Variants in SYT10 observed in about 807,000 individuals in gnomAD.
SYT10 encodes synaptotagmin-10.
Under a neutral mutation model 51.1 loss-of-function variants are expected in SYT10, and 31 were observed. The ratio of observed to expected loss-of-function variants is 0.61; its 90% CI spans 0.46 to 0.82. The LOEUF (loss-of-function observed/expected upper bound fraction) is 0.82. Ranked by LOEUF, SYT10 falls within the 40% of genes least tolerant of loss-of-function variation. SYT10 has a pLI of 0.00. For missense variants in SYT10, 603 were observed against 634.0 expected (o/e 0.95, Z 0.53); for synonymous variants, 233 against 225.9 (o/e 1.03, Z -0.28).
intron 2 of SYT10, among the ~76,000 whole-genome samples, chr12:33,410,465 G>A (rs746531901): frequency 3.3e-5 from 5 of 152,178 alleles, no homozygotes; most frequent in Admixed American, 3.3e-4. Context: ...AGCTGTGAGA[G>A]TATCAGTAGC....
chr12:33,426,084 ACACAC>A, intron 2 of SYT10, 49 bp downstream of exon 2: 2 of 1,492,758 alleles, frequency 1.3e-6, no homozygotes, highest in Non-Finnish European at 1.8e-6. Context: ...ACACACACAC[ACACAC>A]ACACACACAC....
chr12:33,392,456 C>T (rs147924351), intron 3 of SYT10, among the ~76,000 whole-genome samples: 36 of 152,266 alleles, frequency 2.4e-4, no homozygotes, highest in African/African-American at 8.4e-4. Flanking sequence ...CCTGCCTTTC[C>T]TCTTCCTCCC....
intron 4 of SYT10, 60 bp downstream of exon 4, chr12:33,385,111 G>A (rs1392949212): frequency 2.9e-5 from 46 of 1,581,486 alleles, no homozygotes; most frequent in Non-Finnish European, 3.4e-5. Context: ...ATCATTTTTA[G>A]ATACATGAAA....
chr12:33,412,146 A>G (rs898913003), intron 2 of SYT10, among the ~76,000 whole-genome samples: 2 of 152,102 alleles, frequency 1.3e-5, no homozygotes, highest in African/African-American at 4.8e-5. Context: ...GCTTTTCAAT[A>G]TTATAAAACT....
At chr12:33,393,014 A>AAAAT (rs1866223413) in intron 3 of SYT10, among the ~76,000 whole-genome samples, 3 of 142,712 alleles carry the variant, frequency 2.1e-5, no homozygotes, top group Non-Finnish European at 3.1e-5. Flanking sequence ...AAAAAAAAAA[A>AAAAT]TTGCAAAAAC....
At chr12:33,417,492 A>G (rs2138424999) in intron 2 of SYT10, among the ~76,000 whole-genome samples, 1 of 152,338 alleles carries the variant, frequency 6.6e-6, no homozygotes, top group African/African-American at 2.4e-5. Flanking sequence ...AACTGTAAGA[A>G]ATAAATTCAT....
At position 33,385,237 on chromosome 12, in the gene SYT10, C is replaced by G; in HGVS notation, c.1132G>C (p.Gly378Arg). Reference sequence around the variant, plus strand: ...TTAATGACTGTCAATGTCATACGCCCAGCCGTCGGTAGGTAACAAAGGGAA... The same window carrying G: ...TTAATGACTGTCAATGTCATACGCCGAGCCGTCGGTAGGTAACAAAGGGAA... ...MFSLCYLPTA[G>R]RMTLTVIKCR... The change falls in exon 4 of 7, where the codon GGG (glycine) becomes CGG (arginine). Residue 378 changes from glycine to arginine, a missense_variant. Coordinates refer to ENST00000228567, the MANE Select transcript of SYT10 (RefSeq NM_198992.4). 6.2e-7 allele frequency: 1 copy of G among 1,613,784 alleles called. No homozygotes were observed. The highest frequency in any genetic ancestry group is 1.1e-5 in the South Asian group (1 of 91,078).
At chr12:33,390,152 C>A (rs554928405) in intron 3 of SYT10, among the ~76,000 whole-genome samples, 2 of 152,282 alleles carry the variant, frequency 1.3e-5, no homozygotes, top group African/African-American at 4.8e-5. Flanking sequence ...TTGCTATAGT[C>A]CTGGCGGAGC....
intron 5 of SYT10, among the ~76,000 whole-genome samples, chr12:33,381,583 G>C (rs1392119631): frequency 2.0e-5 from 3 of 152,080 alleles, no homozygotes; most frequent in African/African-American, 7.2e-5. Flanking sequence ...GAAGAGGATT[G>C]GTCAGCAAAG....
In SYT10 at chr12:33,375,825, C is replaced by T. The variant is rs1866057432; in HGVS notation, c.*1005G>A. On this transcript the variant is annotated 3_prime_UTR_variant, in exon 7 of 7. Coordinates refer to ENST00000228567, the MANE Select transcript of SYT10 (RefSeq NM_198992.4). ...AGCTTCTGACTGGGTTTAAGAGTCACCATTACTGTGTACAATCTAAACGGT... is the reference window on the plus strand; with the variant it reads ...AGCTTCTGACTGGGTTTAAGAGTCATCATTACTGTGTACAATCTAAACGGT... The T allele has an allele frequency of 6.6e-6, 1 of 152,508 alleles. No homozygotes were observed. The highest frequency in any genetic ancestry group is 1.5e-5 in the Non-Finnish European group (1 of 67,998). The allele number at this position is 152,508 out of a possible 1,614,324, so 9.4% of individuals were successfully genotyped here.
chr12:33,390,938 G>C (rs1238970379), intron 3 of SYT10, among the ~76,000 whole-genome samples: 1 of 151,622 alleles, frequency 6.6e-6, no homozygotes, highest in Non-Finnish European at 1.5e-5. Context: ...TTTTGTTGTT[G>C]TTGTTGTTTT....
intron 4 of SYT10, among the ~76,000 whole-genome samples, chr12:33,382,858 C>A (rs1591980962): frequency 6.6e-6 from 1 of 152,102 alleles, no homozygotes; most frequent in East Asian, 1.9e-4. Flanking sequence ...TTAAAAATAT[C>A]ATTTGCTTGA....
chr12:33,382,263 G>A, intron 5 of SYT10, 86 bp downstream of exon 5: 1 of 1,169,610 alleles, frequency 8.5e-7, no homozygotes, highest in Non-Finnish European at 1.1e-6. Flanking sequence ...TAAAACTGTT[G>A]TGGCAGTAAA....
chr12:33,413,953 G>A (rs1866430902), intron 2 of SYT10, among the ~76,000 whole-genome samples: 1 of 152,094 alleles, frequency 6.6e-6, no homozygotes, highest in Non-Finnish European at 1.5e-5. Context: ...CACATGCAGA[G>A]ACACACATAG....
intron 3 of SYT10, among the ~76,000 whole-genome samples, chr12:33,395,547 C>A (rs1469309389): frequency 6.6e-6 from 1 of 152,206 alleles, no homozygotes; most frequent in Non-Finnish European, 1.5e-5. Flanking sequence ...CACCAGGACA[C>A]AGCTGATAGA....
chr12:33,398,947 G>T (rs1866280562), intron 3 of SYT10, among the ~76,000 whole-genome samples: 3 of 152,200 alleles, frequency 2.0e-5, no homozygotes, highest in Non-Finnish European at 4.4e-5. Context: ...ATGTGGGTTT[G>T]TTACAGAGAC....
chr12:33,388,009 T>TGG (rs762634923), intron 3 of SYT10, among the ~76,000 whole-genome samples: 1 of 152,148 alleles, frequency 6.6e-6, no homozygotes, highest in Non-Finnish European at 1.5e-5. Flanking sequence ...CCCAAAGTGC[T>TGG]GGGGTTACAG....
At chr12:33,409,131 T>C (rs572099535) in intron 2 of SYT10, among the ~76,000 whole-genome samples, 1 of 152,294 alleles carries the variant, frequency 6.6e-6, no homozygotes, top group South Asian at 2.1e-4. Context: ...TGTTGTCTAT[T>C]GCAGCAGGTC....
intron 3 of SYT10, among the ~76,000 whole-genome samples, chr12:33,392,223 C>T (rs1355649796): frequency 6.6e-6 from 1 of 152,022 alleles, no homozygotes; most frequent in Admixed American, 6.5e-5. Flanking sequence ...CAAATGTATC[C>T]CTAAGGTCTG....
Sources: gnomAD v4.1 joint callset for allele counts (sites outside exome capture counted in the v4.1 genomes callset) on GRCh38, gnomAD v4.1.1 for gene constraint, MANE v1.5 for transcripts, NCBI Gene and HGNC (gene_info 2026-07-23, HGNC 2026-07-21) for gene names.